SH3RF3: variants seen among roughly 807,000 people sequenced by gnomAD.
The protein encoded by SH3RF3 is E3 ubiquitin-protein ligase SH3RF3.
A neutral mutation model predicts 66.3 loss-of-function variants in SH3RF3; 29 were observed. The ratio of observed to expected loss-of-function variants is 0.44; its 90% CI spans 0.33 to 0.60. The LOEUF is 0.60. SH3RF3 is among the 20% of genes least tolerant of loss of function. The pLI, the probability that SH3RF3 is intolerant of heterozygous loss-of-function variation, is 0.04. For synonymous variants in SH3RF3, 583 were observed against 532.0 expected (o/e 1.10, Z -1.32); for missense variants, 1,194 against 1,190.9 (o/e 1.00, Z -0.04).
At chr2:109,342,563 C>T (rs897883592) in intron 1 of SH3RF3, among the ~76,000 whole-genome samples, 6 of 152,192 alleles carry the variant, frequency 3.9e-5, no homozygotes, top group East Asian at 1.9e-4. Context: ...CGGTGCTCCA[C>T]GCTCTCCACC....
At chr2:109,308,040 A>G (rs1681640249) in intron 1 of SH3RF3, among the ~76,000 whole-genome samples, 4 of 147,026 alleles carry the variant, frequency 2.7e-5, no homozygotes, top group South Asian at 4.4e-4. Context: ...AGTCCCACCA[A>G]CAGTGTAAAG....
In SH3RF3 at chr2:109,504,587, C is replaced by G. The variant is rs1278741671; in HGVS notation, c.*2916C>G. 3.3e-5 allele frequency: 5 copies of G among 152,244 alleles called. No individual in the cohort carries two copies. Among genetic ancestry groups the G allele is most frequent in the Non-Finnish European group, 7.3e-5 (5 of 68,064 alleles). 9.4% of individuals were successfully genotyped at this position (152,244 alleles called of 1,614,324 possible). A position where few individuals can be genotyped will look rare whatever the true frequency, so the allele number is the denominator to read the frequency against. ...GGAAGACTTGTCAGTGATGACAAAC[C>G]ATGATGCCTGTGTTTCTGAGTCTTT... On this transcript the variant is annotated 3_prime_UTR_variant, in exon 10 of 10. Coordinates refer to ENST00000309415, the MANE Select transcript of SH3RF3 (RefSeq NM_001099289.3).
At chr2:109,153,646 A>G (rs1385158755) in intron 1 of SH3RF3, among the ~76,000 whole-genome samples, 1 of 151,964 alleles carries the variant, frequency 6.6e-6, no homozygotes. Flanking sequence ...AAAACATGAG[A>G]TCACCCCAGT....
At chr2:109,321,018 A>G (rs1185962317) in intron 1 of SH3RF3, among the ~76,000 whole-genome samples, 1 of 152,252 alleles carries the variant, frequency 6.6e-6, no homozygotes, top group Non-Finnish European at 1.5e-5. Flanking sequence ...AGATTGTTCC[A>G]TGGGAGCTCA....
At chr2:109,275,211 A>G (rs560875815) in intron 1 of SH3RF3, among the ~76,000 whole-genome samples, 3 of 152,326 alleles carry the variant, frequency 2.0e-5, no homozygotes, top group East Asian at 3.9e-4. Context: ...ACTTTGCTGC[A>G]TACAGTGAGG....
intron 1 of SH3RF3, among the ~76,000 whole-genome samples, chr2:109,340,917 A>T (rs915432444): frequency 3.3e-5 from 5 of 152,060 alleles, no homozygotes; most frequent in African/African-American, 1.2e-4. Flanking sequence ...GAAAAAAAAA[A>T]TTTGCTTTTA....
At chr2:109,160,524 G>A (rs1263623541) in intron 1 of SH3RF3, among the ~76,000 whole-genome samples, 14 of 152,202 alleles carry the variant, frequency 9.2e-5, no homozygotes, top group Admixed American at 8.5e-4. Context: ...ACTCTGTGGT[G>A]GATTCTGAGT....
chr2:109,481,213 G>T (rs1296689588), intron 8 of SH3RF3, among the ~76,000 whole-genome samples: 1 of 152,232 alleles, frequency 6.6e-6, no homozygotes. Flanking sequence ...CAGACGTCAG[G>T]TTGGGTGGCG....
chr2:109,420,550 A>G (rs1676848087), intron 5 of SH3RF3, among the ~76,000 whole-genome samples: 1 of 152,072 alleles, frequency 6.6e-6, no homozygotes, highest in Non-Finnish European at 1.5e-5. Flanking sequence ...GGTTCACGCA[A>G]TTCTCCTGCC....
intron 8 of SH3RF3, among the ~76,000 whole-genome samples, chr2:109,458,572 C>CAGAGAGAGAGAGAGAGAGAGAG (rs70958708): frequency 0.021 from 2,640 of 122,932 alleles, 318 homozygotes; most frequent in Middle Eastern, 0.033. Flanking sequence ...CAGCAGGAGA[C>CAGAGAGAGAGAGAGAGAGAGAG]AGAGAGAGAG....
At chr2:109,249,801 C>T (rs541087013) in intron 1 of SH3RF3, among the ~76,000 whole-genome samples, 12 of 151,716 alleles carry the variant, frequency 7.9e-5, no homozygotes, top group East Asian at 1.9e-4. Context: ...GGACTACAGG[C>T]GCCCGCCACC....
At chr2:109,376,890 G>A (rs1409270891) in intron 3 of SH3RF3, among the ~76,000 whole-genome samples, 1 of 152,208 alleles carries the variant, frequency 6.6e-6, no homozygotes, top group Non-Finnish European at 1.5e-5. Flanking sequence ...AGTTTCCATG[G>A]TGAACAGTGA....
intron 1 of SH3RF3, among the ~76,000 whole-genome samples, chr2:109,280,993 G>T (rs778824342): frequency 6.6e-6 from 1 of 152,212 alleles, no homozygotes; most frequent in Non-Finnish European, 1.5e-5. Context: ...ACACAGATCT[G>T]CAGACCTTAA....
chr2:109,217,639 A>G (rs139938693), intron 1 of SH3RF3, among the ~76,000 whole-genome samples: 17 of 152,374 alleles, frequency 1.1e-4, no homozygotes, highest in Middle Eastern at 3.4e-3. Flanking sequence ...ACAACCTGCC[A>G]GTGATGGGAA....
chr2:109,367,447 AGTT>A (rs1444760906), intron 2 of SH3RF3, among the ~76,000 whole-genome samples: 3 of 151,616 alleles, frequency 2.0e-5, no homozygotes, highest in African/African-American at 7.3e-5. Context: ...ATGCCTGGCT[AGTT>A]GTTGTATTTT....
intron 7 of SH3RF3, 67 bp downstream of exon 7, chr2:109,437,213 A>T: frequency 6.6e-7 from 1 of 1,525,552 alleles, no homozygotes; most frequent in Middle Eastern, 1.9e-4. Context: ...TGCTTGTGAG[A>T]CACATCTTGG....
At chr2:109,303,202 G>A (rs924942035) in intron 1 of SH3RF3, among the ~76,000 whole-genome samples, 2 of 152,192 alleles carry the variant, frequency 1.3e-5, no homozygotes, top group South Asian at 2.1e-4. Flanking sequence ...AAACTCCACT[G>A]TAGCCAAAGA....
chr2:109,480,599 G>A (rs767035297), intron 8 of SH3RF3, among the ~76,000 whole-genome samples: 6 of 152,194 alleles, frequency 3.9e-5, no homozygotes. Flanking sequence ...ATCCCGAGCA[G>A]CCATGGGGTG....
chr2:109,437,376 A>G (rs1057291520), intron 7 of SH3RF3, among the ~76,000 whole-genome samples: 1 of 150,374 alleles, frequency 6.7e-6, no homozygotes, highest in Admixed American at 6.6e-5. Context: ...ACATCTTGTC[A>G]TGCTCGTGAA....
Sources: allele counts gnomAD v4.1 joint callset (sites outside exome capture counted in the v4.1 genomes callset), GRCh38; gene constraint gnomAD v4.1.1; transcripts MANE v1.5; gene names NCBI Gene and HGNC (gene_info 2026-07-23, HGNC 2026-07-21).